Variants in ITGA11 observed in about 807,000 individuals in gnomAD.
ITGA11 encodes the protein integrin subunit alpha 11.
A neutral mutation model predicts 141.9 loss-of-function variants in ITGA11; 97 were observed. The ratio of observed to expected loss-of-function variants is 0.68; its 90% CI spans 0.58 to 0.81. The LOEUF (loss-of-function observed/expected upper bound fraction) is 0.81. Ranked by LOEUF, ITGA11 falls within the 30% of genes least tolerant of loss-of-function variation. ITGA11 has a pLI of 0.00. For missense variants in ITGA11, 1,387 were observed against 1,559.2 expected (o/e 0.89, Z 1.86); for synonymous variants, 658 against 624.6 (o/e 1.05, Z -0.80).
intron 10 of ITGA11, among the ~76,000 whole-genome samples, chr15:68,343,268 C>T (rs935861551): frequency 2.0e-5 from 3 of 152,014 alleles, no homozygotes; most frequent in African/African-American, 4.8e-5. Flanking sequence ...AGTCAGGGAC[C>T]GGTTATTTTG....
At chr15:68,341,935 A>T (rs564447147) in intron 10 of ITGA11, among the ~76,000 whole-genome samples, 13 of 152,162 alleles carry the variant, frequency 8.5e-5, no homozygotes, top group Non-Finnish European at 1.6e-4. Context: ...CTCCCACCTC[A>T]TCCCATTTTA....
At chr15:68,372,996 A>G (rs919094481) in intron 2 of ITGA11, among the ~76,000 whole-genome samples, 3 of 152,356 alleles carry the variant, frequency 2.0e-5, no homozygotes, top group Non-Finnish European at 4.4e-5. Context: ...ATTAAATGTT[A>G]GTAATTCTAT....
intron 2 of ITGA11, among the ~76,000 whole-genome samples, chr15:68,381,282 C>T (rs1339962852): frequency 6.6e-6 from 1 of 152,096 alleles, no homozygotes; most frequent in African/African-American, 2.4e-5. Flanking sequence ...GTTTTGTGGC[C>T]AGCTTTGGGA....
chr15:68,303,002 C>G lies in ITGA11; in HGVS notation c.*57G>C. 7.0e-7 allele frequency: 1 copy of G among 1,428,260 alleles called. No homozygotes were observed. 88.5% of individuals were successfully genotyped at this position (1,428,260 alleles called of 1,614,324 possible). A position where few individuals can be genotyped will look rare whatever the true frequency, so the allele number is the denominator to read the frequency against. ...TCGGTGGGGCCACAGGCCTGGGTCT[C>G]AACACTACCTGGACTGGTGTCCTGG... On this transcript the variant is annotated 3_prime_UTR_variant, in exon 30 of 30. Transcript: ENST00000315757. This position sits in a 1 kb window ranked among gnomAD's most constrained non-coding sequence, Gnocchi z 5.3.
intron 2 of ITGA11, among the ~76,000 whole-genome samples, chr15:68,384,780 C>T (rs1374349960): frequency 6.6e-6 from 1 of 152,212 alleles, no homozygotes; most frequent in Non-Finnish European, 1.5e-5. Context: ...CGTTTATGTG[C>T]TGTGGTGTTG....
chr15:68,365,067 C>T, intron 3 of ITGA11: 2 of 888,178 alleles, frequency 2.3e-6, no homozygotes, highest in Non-Finnish European at 2.7e-6. Context: ...TATCTCCTAG[C>T]CCACAGCTTT....
chr15:68,425,440 G>C (rs1276622977), intron 1 of ITGA11, among the ~76,000 whole-genome samples: 1 of 152,222 alleles, frequency 6.6e-6, no homozygotes, highest in Admixed American at 6.5e-5. Context: ...ACAAACTATT[G>C]ATGGGACTTT....
At chr15:68,422,435 T>C (rs1183471797) in intron 1 of ITGA11, among the ~76,000 whole-genome samples, 4 of 152,120 alleles carry the variant, frequency 2.6e-5, no homozygotes, top group Non-Finnish European at 5.9e-5. Flanking sequence ...TCACTCCTTT[T>C]GCATCTCACC....
At chr15:68,369,334 C>T in intron 2 of ITGA11, 50 bp from the exon 3 acceptor site, 1 of 1,081,386 alleles carries the variant, frequency 9.2e-7, no homozygotes, top group East Asian at 5.5e-5. Context: ...GTACTCTTTC[C>T]TGGCAGAGGA....
At position 68,321,360 on chromosome 15, in the gene ITGA11, A is replaced by C. The variant is rs548536813; in HGVS notation, c.2408+58T>G. 66 of 1,113,354 alleles carry C rather than the reference A, an allele frequency of 5.9e-5. No individual in the cohort carries two copies. In the African/African-American group the frequency reaches 1.1e-3, roughly 18 times the overall value. 69.0% of individuals were successfully genotyped at this position (1,113,354 alleles called of 1,614,324 possible). The stretch of plus-strand genomic sequence containing the variant: ...AATAATCCAGGGCCCCAGGAGCCCC[A>C]GAGCCTCTGGCAGTGAAGGGGAAGG... On this transcript the variant is annotated intron_variant, in intron 19 of 29. Coordinates refer to ENST00000315757, the MANE Select transcript of ITGA11 (RefSeq NM_001004439.2). This position sits in a 1 kb window ranked among gnomAD's most constrained non-coding sequence, Gnocchi z 4.9.
At chr15:68,404,807 A>G (rs1171562050) in intron 1 of ITGA11, among the ~76,000 whole-genome samples, 1 of 152,172 alleles carries the variant, frequency 6.6e-6, no homozygotes. Context: ...ACGAGCCAAA[A>G]CTTTTGGATA....
chr15:68,315,778 A>T, intron 21 of ITGA11, 51 bp from the exon 22 acceptor site: 1 of 1,443,428 alleles, frequency 6.9e-7, no homozygotes, highest in Non-Finnish European at 9.5e-7. Context: ...AGCCCCGCCC[A>T]CTCCCCACAG....
chr15:68,318,798 G>A (rs1567126421), intron 20 of ITGA11, among the ~76,000 whole-genome samples: 1 of 152,280 alleles, frequency 6.6e-6, no homozygotes, highest in Non-Finnish European at 1.5e-5. Flanking sequence ...CCTGGCACCT[G>A]TCTTGCCTGG....
At chr15:68,383,706 G>A (rs1302421360) in intron 2 of ITGA11, among the ~76,000 whole-genome samples, 1 of 152,200 alleles carries the variant, frequency 6.6e-6, no homozygotes, top group Non-Finnish European at 1.5e-5. Flanking sequence ...AACCTATGAA[G>A]TTATAGAAAG....
rs945417697 is a variant in ITGA11 at position 68,303,276 on chromosome 15, G to A, written c.3496-146C>T. 1.4e-6 allele frequency: 1 copy of A among 704,054 alleles called. No homozygotes were observed. Among genetic ancestry groups the A allele is most frequent in the South Asian group, 1.6e-5 (1 of 61,422 alleles). 43.6% of individuals were successfully genotyped at this position (704,054 alleles called of 1,614,324 possible). A position where few individuals can be genotyped will look rare whatever the true frequency, so the allele number is the denominator to read the frequency against. ...CTCATTCTGAGCACCCCCTCCTCCA[G>A]AACTGCCTCTGTGGACTGGAACACA... is the stretch of plus-strand genomic sequence containing the variant. On this transcript the variant is annotated intron_variant, in intron 29 of 29. Transcript: ENST00000315757. This position sits in a 1 kb window ranked among gnomAD's most constrained non-coding sequence, Gnocchi z 5.3.
chr15:68,316,478 G>A (rs1893581332), intron 21 of ITGA11, among the ~76,000 whole-genome samples: 1 of 152,204 alleles, frequency 6.6e-6, no homozygotes, highest in South Asian at 2.1e-4. Context: ...GGGCGTGGGT[G>A]GGGAAGCCTG....
chr15:68,385,631 A>G (rs985836287), intron 2 of ITGA11, among the ~76,000 whole-genome samples: 4 of 152,224 alleles, frequency 2.6e-5, no homozygotes, highest in African/African-American at 7.2e-5. Flanking sequence ...TCATCTACAA[A>G]GTCTTGAGAC....
At chr15:68,332,261 A>G (rs1470740167) in intron 13 of ITGA11, 77 bp downstream of exon 13, 4 of 1,502,694 alleles carry the variant, frequency 2.7e-6, no homozygotes, top group East Asian at 4.9e-5. Context: ...CTAGTAACGC[A>G]TTTCCGTCGT....
chr15:68,332,108 G>T (rs1171398237), intron 13 of ITGA11, 46 bp from the exon 14 acceptor site: 1 of 1,484,726 alleles, frequency 6.7e-7, no homozygotes, highest in Admixed American at 2.0e-5. Flanking sequence ...TTTGGCAAAA[G>T]TCCTCAGGCT....
Sources: allele counts gnomAD v4.1 joint callset (sites outside exome capture counted in the v4.1 genomes callset), GRCh38; gene constraint gnomAD v4.1.1; non-coding constraint Gnocchi (gnomAD v3.1); transcripts MANE v1.5; gene names NCBI Gene and HGNC (gene_info 2026-07-23, HGNC 2026-07-21).